PGRMC1: variants seen among roughly 807,000 people sequenced by gnomAD.
PGRMC1 encodes the protein progesterone receptor membrane component 1, also known as membrane-associated progesterone receptor component 1.
For synonymous variants in PGRMC1, 73 were observed against 77.3 expected, an observed-to-expected ratio of 0.94 and a Z score of 0.29; for missense variants, 145 against 169.0, an observed-to-expected ratio of 0.86 and a Z score of 0.79.
Position 119,243,467 on chromosome X carries a change from G to A in PGRMC1, c.*213G>A. 3 of 427,938 alleles carry A rather than the reference G, an allele frequency of 7.0e-6. No homozygotes were observed. Among genetic ancestry groups the A allele is most frequent in the Non-Finnish European group, 1.2e-5 (3 of 241,510 alleles). 35.3% of individuals were successfully genotyped at this position (427,938 alleles called of 1,213,427 possible). A position where few individuals can be genotyped will look rare whatever the true frequency, so the allele number is the denominator to read the frequency against. On this transcript the variant is annotated 3_prime_UTR_variant, in exon 3 of 3. Coordinates refer to ENST00000217971, the MANE Select transcript of PGRMC1 (RefSeq NM_006667.5). ...ACAAATCCAGAAAGTGAACTGCAGT[G>A]CTGTAATACACATGTTAATACTGTT...
At position 119,242,211 on chromosome X, in the gene PGRMC1, CT is replaced by C. The variant is rs369817416; in HGVS notation, c.485-928del. ...CTTTCTGAAAGATTTTCAGGGAAACCTTTTTTTTTTTTCTTGCCAATCCTGA... is the reference window on the plus strand; with the variant it reads ...CTTTCTGAAAGATTTTCAGGGAAACCTTTTTTTTTTTCTTGCCAATCCTGA... On this transcript the variant is annotated intron_variant, in intron 2 of 2. Coordinates refer to ENST00000217971, the MANE Select transcript of PGRMC1 (RefSeq NM_006667.5). Among the ~76,000 whole-genome samples the C allele has an allele frequency of 1.2e-3, 130 of 104,289 alleles. 1 individual carries two copies. Among genetic ancestry groups the C allele is most frequent in the African/African-American group, 2.1e-3 (61 of 28,915 alleles). 90.6% of individuals were successfully genotyped at this position (104,289 alleles called of 115,157 possible).
Position 119,240,215 on chromosome X carries a change from C to T in PGRMC1, c.329-94C>T, listed in dbSNP as rs769360108. On this transcript the variant is annotated intron_variant, in intron 1 of 2. Transcript: ENST00000217971. ...TGGAATTTGATATTCAAAAATGGGG[C>T]TATGTTGATGAATAGGGAAGCCATT... 5.5e-5 allele frequency: 44 copies of T among 805,558 alleles called. No individual in the cohort carries two copies. In the African/African-American group the frequency reaches 8.3e-4, roughly 15 times the overall value. The allele number at this position is 805,558 out of a possible 1,213,427, so 66.4% of individuals were successfully genotyped here. A position where few individuals can be genotyped will look rare whatever the true frequency, so the allele number is the denominator to read the frequency against.
chrX:119,240,914 A>G (rs1930804266), intron 2 of PGRMC1, among the ~76,000 whole-genome samples: 1 of 112,119 alleles, frequency 8.9e-6, no homozygotes, highest in Non-Finnish European at 1.9e-5. Context: ...GAACCTAACT[A>G]TAGGCCTCAT....
At position 119,236,606 on chromosome X, in the gene PGRMC1, C is replaced by T; in HGVS notation, c.243C>T (p.Phe81=). 8.3e-7 allele frequency: 1 copy of T among 1,206,279 alleles called. No homozygotes were observed. The highest frequency in any genetic ancestry group is 1.1e-6 in the Non-Finnish European group (1 of 892,808). Residue 81 remains phenylalanine, a synonymous_variant, in exon 1 of 3, where the codon TTC becomes TTT. Coordinates refer to ENST00000217971, the MANE Select transcript of PGRMC1 (RefSeq NM_006667.5). ...RDFTPAELRR[F]DGVQDPRILM... ...TCACCCCCGCCGAGCTGCGGCGCTT[C>T]GACGGCGTCCAGGACCCGCGCATAC...
intron 1 of PGRMC1, among the ~76,000 whole-genome samples, chrX:119,239,913 T>C (rs1187124502): frequency 8.9e-6 from 1 of 112,072 alleles, no homozygotes; most frequent in Non-Finnish European, 1.9e-5. Flanking sequence ...TCAGTGCTTA[T>C]TATCTTAAGA....
intron 1 of PGRMC1, among the ~76,000 whole-genome samples, chrX:119,238,756 C>T (rs1238973042): frequency 1.8e-5 from 2 of 111,993 alleles, no homozygotes; most frequent in Admixed American, 1.9e-4. Flanking sequence ...CACTGTCATT[C>T]AGTGAGCCCA....
chrX:119,240,641 A>G (rs886182771), intron 2 of PGRMC1, among the ~76,000 whole-genome samples, 177 bp downstream of exon 2: 6 of 111,926 alleles, frequency 5.4e-5, no homozygotes, highest in African/African-American at 1.9e-4. Context: ...GTCACTTGCT[A>G]TGATTGCATA....
At position 119,240,470 on chromosome X, in the gene PGRMC1, C is replaced by T; in HGVS notation, c.484+6C>T. 1 of 1,197,419 alleles carries T rather than the reference C, an allele frequency of 8.4e-7. No individual in the cohort carries two copies. Among genetic ancestry groups the T allele is most frequent in the Admixed American group, 2.2e-5 (1 of 46,033 alleles). Reference sequence around the variant, plus strand: ...CTGGGAGTCTCAGTTCACTTGTAAGCATTTTTAAAATTGTGTCTGGGTCAA... The same window carrying T: ...CTGGGAGTCTCAGTTCACTTGTAAGTATTTTTAAAATTGTGTCTGGGTCAA... On this transcript the variant is annotated splice_donor_region_variant and intron_variant, in intron 2 of 2. Transcript: ENST00000217971.
intron 2 of PGRMC1, 28 bp from the exon 3 acceptor site, chrX:119,243,123 C>T (rs1483301595): frequency 1.1e-6 from 1 of 890,223 alleles, no homozygotes; most frequent in East Asian, 3.1e-5. Context: ...ATGAGAATGA[C>T]CATTTGTGTT....
chrX:119,241,730 G>GTTAT (rs1930823163), intron 2 of PGRMC1, among the ~76,000 whole-genome samples: 1 of 111,817 alleles, frequency 8.9e-6, no homozygotes, highest in Admixed American at 9.5e-5. Context: ...GTTCCCAACG[G>GTTAT]TTATTTCACA....
At chrX:119,240,209 A>G (rs1394721245) in intron 1 of PGRMC1, 100 bp from the exon 2 acceptor site, 2 of 762,251 alleles carry the variant, frequency 2.6e-6, no homozygotes, top group Admixed American at 4.7e-5. Flanking sequence ...ATATTCAAAA[A>G]TGGGGCTATG....
chrX:119,236,376 G>A lies in PGRMC1; in HGVS notation c.13G>A (p.Asp5Asn), dbSNP rs1315202053. 8.3e-7 allele frequency: 1 copy of A among 1,209,104 alleles called. No individual in the cohort carries two copies. Among genetic ancestry groups the A allele is most frequent in the African/African-American group, 1.7e-5 (1 of 57,336 alleles). Residue 5 changes from aspartate (D) to asparagine (N), a missense_variant, in exon 1 of 3, where the codon GAT (aspartate) becomes AAT (asparagine). Asp to Asn is a conservative substitution (Grantham distance 23). Coordinates refer to ENST00000217971, the MANE Select transcript of PGRMC1 (RefSeq NM_006667.5). ...TACTCCAGAGATCATGGCTGCCGAG[G>A]ATGTGGTGGCGACTGGCGCCGACCC... is the stretch of plus-strand genomic sequence containing the variant. MAAEDVVATGADPSD... is the reference protein window; with the variant it reads MAAENVVATGADPSD...
chrX:119,240,563 C>A, intron 2 of PGRMC1, 99 bp downstream of exon 2: 1 of 680,877 alleles, frequency 1.5e-6, no homozygotes, highest in Non-Finnish European at 2.3e-6. Context: ...AACTTGGGTG[C>A]ATTTTGATAG....
intron 1 of PGRMC1, among the ~76,000 whole-genome samples, chrX:119,237,847 C>A (rs1930735369): frequency 9.0e-6 from 1 of 110,960 alleles, no homozygotes; most frequent in Non-Finnish European, 1.9e-5. Context: ...AGGAAAAATA[C>A]AGATTCCCAG....
At chrX:119,238,530 T>C (rs944605439) in intron 1 of PGRMC1, among the ~76,000 whole-genome samples, 1 of 112,568 alleles carries the variant, frequency 8.9e-6, no homozygotes. Flanking sequence ...AACATGTGCA[T>C]GAGGCATCAT....
chrX:119,242,729 C>T (rs1930847188), intron 2 of PGRMC1, among the ~76,000 whole-genome samples: 2 of 111,818 alleles, frequency 1.8e-5, no homozygotes, highest in Admixed American at 1.9e-4. Flanking sequence ...TTCCCAGATA[C>T]GTTGTCTCAC....
chrX:119,240,361 A>G lies in PGRMC1; in HGVS notation c.381A>G (p.Thr127=), dbSNP rs750611231. 5 of 1,210,103 alleles carry G rather than the reference A, an allele frequency of 4.1e-6. No homozygotes were observed. In the South Asian group the frequency reaches 5.3e-5, roughly 13 times the overall value. The change falls in exon 2 of 3, where the codon ACA becomes ACG. Residue 127 remains threonine, a synonymous_variant. Transcript: ENST00000217971. Reference sequence around the variant, plus strand: ...GAGATGCATCCAGGGGCCTTGCCACATTTTGCCTGGATAAGGAAGCACTGA... The same window carrying G: ...GAGATGCATCCAGGGGCCTTGCCACGTTTTGCCTGGATAAGGAAGCACTGA... ...AGRDASRGLA[T]FCLDKEALKD...
Position 119,243,325 on chromosome X carries a change from A to AG in PGRMC1, c.*71_*72insG. ...TTGTAACAGTCCACTCTGTCTTTAAAACATAGTGATTACAATATTTAGAAA... is the reference window on the plus strand; with the variant it reads ...TTGTAACAGTCCACTCTGTCTTTAAAGACATAGTGATTACAATATTTAGAAA... On this transcript the variant is annotated 3_prime_UTR_variant, in exon 3 of 3. Transcript: ENST00000217971. The AG allele has an allele frequency of 1.6e-6, 1 of 632,186 alleles. No homozygotes were observed. Among genetic ancestry groups the AG allele is most frequent in the Non-Finnish European group, 2.7e-6 (1 of 375,414 alleles). 52.1% of individuals were successfully genotyped at this position (632,186 alleles called of 1,213,427 possible). A position where few individuals can be genotyped will look rare whatever the true frequency, so the allele number is the denominator to read the frequency against.
rs1930790727 is a variant in PGRMC1, at chrX:119,240,377, G to A, written c.397G>A (p.Glu133Lys). Residue 133 changes from glutamate (E) to lysine (K), a missense_variant, in exon 2 of 3, where the codon GAA becomes AAA. Glu to Lys is a moderately conservative substitution (Grantham distance 56, BLOSUM62 1). Coordinates refer to ENST00000217971, the MANE Select transcript of PGRMC1 (RefSeq NM_006667.5). ...CCTTGCCACATTTTGCCTGGATAAG[G>A]AAGCACTGAAGGATGAGTACGATGA... ...RGLATFCLDK[E>K]ALKDEYDDLS... 9 of 1,208,012 alleles carry A rather than the reference G, an allele frequency of 7.5e-6. No individual in the cohort carries two copies. Among genetic ancestry groups the A allele is most frequent in the Non-Finnish European group, 6.7e-6 (6 of 892,168 alleles).
Sources: gnomAD v4.1 joint callset for allele counts (sites outside exome capture counted in the v4.1 genomes callset) on GRCh38, gnomAD v4.1.1 for gene constraint, MANE v1.5 for transcripts, NCBI Gene and HGNC (gene_info 2026-07-23, HGNC 2026-07-21) for gene names.